SLC13A4: variants seen among roughly 807,000 people sequenced by gnomAD.
SLC13A4 encodes Na(+)/sulfate cotransporter SUT-1.
Under a neutral mutation model 72.7 loss-of-function variants are expected in SLC13A4, and 28 were observed. That is an observed-to-expected ratio of 0.39 (90% CI 0.29 to 0.53). The LOEUF is 0.53. Ranked by LOEUF, SLC13A4 falls within the 20% of genes least tolerant of loss-of-function variation. The pLI is 0.78. For synonymous variants in SLC13A4, 312 were observed against 325.5 expected, an observed-to-expected ratio of 0.96 and a Z score of 0.45; for missense variants, 653 against 788.0, an observed-to-expected ratio of 0.83 and a Z score of 2.05.
intron 2 of SLC13A4, among the ~76,000 whole-genome samples, chr7:135,717,101 A>G (rs551196684): frequency 6.6e-6 from 1 of 152,284 alleles, no homozygotes; most frequent in East Asian, 1.9e-4. Flanking sequence ...GCCATCTGCA[A>G]ATCTGATAAT....
intron 2 of SLC13A4, among the ~76,000 whole-genome samples, chr7:135,715,437 ATGAG>A (rs1796410609): frequency 6.7e-6 from 1 of 150,334 alleles, no homozygotes; most frequent in African/African-American, 2.4e-5. Flanking sequence ...GAGCGTGTGT[ATGAG>A]TGTGTGAATG....
At chr7:135,696,896 G>A (rs770374267) in intron 8 of SLC13A4, among the ~76,000 whole-genome samples, 69 of 152,208 alleles carry the variant, frequency 4.5e-4, no homozygotes, top group Non-Finnish European at 8.2e-4. Context: ...CCTTTTTCTT[G>A]AAATACTTTC....
At chr7:135,706,481 T>C (rs942870462) in intron 3 of SLC13A4, among the ~76,000 whole-genome samples, 181 bp from the exon 4 acceptor site, 1 of 152,216 alleles carries the variant, frequency 6.6e-6, no homozygotes, top group African/African-American at 2.4e-5. Flanking sequence ...GCGTAAGTAT[T>C]AAAGCAATAC....
chr7:135,686,866 G>A (rs1282114727), intron 13 of SLC13A4, among the ~76,000 whole-genome samples: 1 of 152,152 alleles, frequency 6.6e-6, no homozygotes, highest in Non-Finnish European at 1.5e-5. Context: ...AGACCAGCCT[G>A]GCCAATGTGG....
chr7:135,699,688 G>A (rs1795988136), intron 7 of SLC13A4, 140 bp from the exon 8 acceptor site: 1 of 646,256 alleles, frequency 1.5e-6, no homozygotes, highest in Non-Finnish European at 2.5e-6. Context: ...TCTACCATTT[G>A]TCAACTTGGG....
chr7:135,700,236 GTGGTCCTCTCTGAGCCTGCT>G (rs1795999693), intron 7 of SLC13A4, among the ~76,000 whole-genome samples: 1 of 152,024 alleles, frequency 6.6e-6, no homozygotes, highest in Admixed American at 6.6e-5. Flanking sequence ...CAGTTTAGTT[GTGGTCCTCTCTGAGCCTGCT>G]TGGTCCAGAT....
intron 2 of SLC13A4, among the ~76,000 whole-genome samples, chr7:135,716,148 C>A (rs1796429864): frequency 6.6e-6 from 1 of 152,092 alleles, no homozygotes; most frequent in South Asian, 2.1e-4. Context: ...CCATGGAAGC[C>A]TGGACTTATG....
intron 7 of SLC13A4, among the ~76,000 whole-genome samples, chr7:135,700,184 C>T (rs749098036): frequency 6.6e-6 from 1 of 152,196 alleles, no homozygotes; most frequent in Non-Finnish European, 1.5e-5. Context: ...CCTTGCCTGA[C>T]TTTTCCTCTC....
chr7:135,708,175 A>G lies in SLC13A4; in HGVS notation c.304T>C (p.Trp102Arg). ...VICVAAAVEK[W>R]NLHKRIALRM... is the part of the protein sequence containing the mutation. ...AGAGCAATGCGCTTATGCAGGTTCC[A>G]CTTCTCCACGGCAGCCGCCACGCAG... is the stretch of plus-strand genomic sequence containing the variant. The change falls in exon 3 of 16, where the codon TGG becomes CGG. Residue 102 changes from tryptophan to arginine, a missense_variant. Transcript: ENST00000682651. 6.2e-7 allele frequency: 1 copy of G among 1,614,170 alleles called. No homozygotes were observed. Among genetic ancestry groups the G allele is most frequent in the Non-Finnish European group, 8.5e-7 (1 of 1,180,018 alleles).
intron 2 of SLC13A4, among the ~76,000 whole-genome samples, chr7:135,718,264 C>G (rs1796475856): frequency 6.6e-6 from 1 of 151,834 alleles, no homozygotes; most frequent in African/African-American, 2.4e-5. Flanking sequence ...CATGTTGCAC[C>G]TGGTAGATGT....
intron 14 of SLC13A4, among the ~76,000 whole-genome samples, chr7:135,684,890 C>T (rs1407599589): frequency 6.6e-6 from 1 of 152,106 alleles, no homozygotes; most frequent in Non-Finnish European, 1.5e-5. Flanking sequence ...TTCTGCCTCC[C>T]AGAATGGGAC....
chr7:135,715,756 C>T (rs929916947), intron 2 of SLC13A4, among the ~76,000 whole-genome samples: 6 of 152,162 alleles, frequency 3.9e-5, no homozygotes, highest in Admixed American at 2.0e-4. Flanking sequence ...CATGCCCAGG[C>T]TATAAACTTT....
At chr7:135,687,100 AT>A (rs2129493808) in intron 13 of SLC13A4, among the ~76,000 whole-genome samples, 1 of 152,320 alleles carries the variant, frequency 6.6e-6, no homozygotes, top group South Asian at 2.1e-4. Flanking sequence ...ACTTGGAATG[AT>A]TCATTTGGTT....
Position 135,719,781 on chromosome 7 carries a change from A to ATGTG in SLC13A4, c.228+1610_228+1613dup, listed in dbSNP as rs968225969. 5.4e-3 allele frequency among the ~76,000 whole-genome samples: 789 copies of ATGTG among 146,110 alleles called. 4 individuals are homozygous for ATGTG. Among genetic ancestry groups the ATGTG allele is most frequent in the African/African-American group, 0.019 (744 of 39,108 alleles). ...TGAGGCTATGGCTACTCAATGCCAC[A>ATGTG]TGTGTGTGTGTGTGTGTGTGTATGT... On this transcript the variant is annotated intron_variant, in intron 2 of 15. Transcript: ENST00000682651.
chr7:135,727,798 T>C lies in SLC13A4; in HGVS notation c.-302A>G, dbSNP rs1020160121. ...GGCCTCCTCTCGGCTTGATTAGTAA[T>C]AGAGTAACTTCATTCTAGGTGTCAG... On this transcript the variant is annotated 5_prime_UTR_variant, in exon 1 of 16. Transcript: ENST00000682651. 2.0e-5 allele frequency: 7 copies of C among 342,874 alleles called. No homozygotes were observed. Among genetic ancestry groups the C allele is most frequent in the African/African-American group, 1.5e-4 (7 of 47,850 alleles). The allele number at this position is 342,874 out of a possible 1,614,324, so 21.2% of individuals were successfully genotyped here. A position where few individuals can be genotyped will look rare whatever the true frequency, so the allele number is the denominator to read the frequency against.
rs1035578996 is a variant in SLC13A4, at chr7:135,692,283, G to A, written c.1223+40C>T. On this transcript the variant is annotated intron_variant, in intron 11 of 15. Transcript: ENST00000682651. ...ATGAAGTCTTGCCTGAAGAATTGGGGTGAGGGGGTTGTTCTTAAGGAGGAA... is the reference window on the plus strand; with the variant it reads ...ATGAAGTCTTGCCTGAAGAATTGGGATGAGGGGGTTGTTCTTAAGGAGGAA... The A allele has an allele frequency of 7.2e-6, 10 of 1,394,892 alleles. No homozygotes were observed. In the Admixed American group the frequency reaches 1.5e-4, roughly 21 times the overall value. The allele number at this position is 1,394,892 out of a possible 1,614,324, so 86.4% of individuals were successfully genotyped here.
At position 135,701,845 on chromosome 7, in the gene SLC13A4, G is replaced by A. The variant is rs116420822; in HGVS notation, c.634-85C>T. On this transcript the variant is annotated intron_variant, in intron 6 of 15. Coordinates refer to ENST00000682651, the MANE Select transcript of SLC13A4 (RefSeq NM_001318192.2). Reference sequence around the variant, plus strand: ...AGAAGGACCACCTAGTCATCCCAGGGCCACCCCATGCCTCAGCACTGTGGG... The same window carrying A: ...AGAAGGACCACCTAGTCATCCCAGGACCACCCCATGCCTCAGCACTGTGGG... The A allele has an allele frequency of 1.2e-5, 15 of 1,283,710 alleles. No homozygotes were observed. The African/African-American group carries it at 2.2e-4, about 19-fold the overall frequency. The allele number at this position is 1,283,710 out of a possible 1,614,324, so 79.5% of individuals were successfully genotyped here.
At chr7:135,683,324 A>AAAT in intron 15 of SLC13A4, 14 of 650,238 alleles carry the variant, frequency 2.2e-5, no homozygotes, top group Non-Finnish European at 2.5e-5. Flanking sequence ...AAAAAAAAAA[A>AAAT]GGATAAAAAA....
chr7:135,701,056 A>C (rs1458220636), intron 7 of SLC13A4, among the ~76,000 whole-genome samples: 2 of 152,198 alleles, frequency 1.3e-5, no homozygotes, highest in African/African-American at 4.8e-5. Context: ...TTATGATTTC[A>C]TCTCTGCCTT....
Sources: gnomAD v4.1 joint callset for allele counts (sites outside exome capture counted in the v4.1 genomes callset) on GRCh38, gnomAD v4.1.1 for gene constraint, MANE v1.5 for transcripts, NCBI Gene and HGNC (gene_info 2026-07-23, HGNC 2026-07-21) for gene names.